Variants in ATG16L1 observed in about 807,000 individuals in gnomAD.
ATG16L1 encodes the protein autophagy-related protein 16-1.
ATG16L1 carries 37 observed loss-of-function variants against 88.5 expected under a neutral mutation model. The ratio of observed to expected loss-of-function variants is 0.42; its 90% confidence interval spans 0.32 to 0.55. ATG16L1 has a LOEUF of 0.55. Ranked by LOEUF, ATG16L1 falls within the 20% of genes least tolerant of loss-of-function variation. The pLI, the probability that ATG16L1 is intolerant of heterozygous loss-of-function variation, is 0.13. For missense variants in ATG16L1, 554 were observed against 752.8 expected (o/e 0.74, Z 3.09); for synonymous variants, 301 against 281.0 (o/e 1.07, Z -0.71).
At chr2:233,277,364 A>C (rs1698443431) in intron 9 of ATG16L1, 2 of 494,276 alleles carry the variant, frequency 4.0e-6, no homozygotes, top group South Asian at 4.5e-5. Flanking sequence ...GTTGCACTGC[A>C]CTCTAATGCA....
chr2:233,277,582 G>A lies in ATG16L1; in HGVS notation c.969G>A (p.Gly323=). The A allele has an allele frequency of 6.2e-7, 1 of 1,614,010 alleles. No individual in the cohort carries two copies. The highest frequency in any genetic ancestry group is 8.5e-7 in the Non-Finnish European group (1 of 1,179,908). The part of the protein sequence containing the change: ...TALCVFDAHD[G]EVNAVQFSPG... ...TTGTCTTGCAGGATGCACATGATGG[G>A]GAAGTCAACGCTGTGCAGTTCAGTC... The change falls in exon 10 of 18, where the codon GGG becomes GGA. Residue 323 remains glycine, a synonymous_variant. Coordinates refer to ENST00000392017, the MANE Select transcript of ATG16L1 (RefSeq NM_030803.7).
chr2:233,265,210 A>G, intron 5 of ATG16L1, 67 bp downstream of exon 5: 5 of 1,565,986 alleles, frequency 3.2e-6, no homozygotes, highest in Admixed American at 3.9e-5. Context: ...CTTTGAAAAG[A>G]AAGAGATAAA....
rs747770249 is a variant in ATG16L1 at position 233,267,359 on chromosome 2, C to T, written c.641+2216C>T. Among the ~76,000 whole-genome samples, 22 of 152,102 alleles carry T rather than the reference C, an allele frequency of 1.4e-4. No individual in the cohort carries two copies. The Middle Eastern group carries it at 0.01, about 71-fold the overall frequency. The stretch of plus-strand genomic sequence containing the variant: ...GCAAGACTCTGCCTCAAAAGCAAAA[C>T]GAAAAGAATACTTAGTGCTGTGGAA... On this transcript the variant is annotated intron_variant, in intron 5 of 17. Coordinates refer to ENST00000392017, the MANE Select transcript of ATG16L1 (RefSeq NM_030803.7).
At chr2:233,252,138 C>T (rs904318928) in intron 1 of ATG16L1, among the ~76,000 whole-genome samples, 196 bp downstream of exon 1, 1 of 152,188 alleles carries the variant, frequency 6.6e-6, no homozygotes, top group South Asian at 2.1e-4. Flanking sequence ...GAGGATTTTC[C>T]CTATTAAATT....
intron 1 of ATG16L1, 42 bp from the exon 2 acceptor site, chr2:233,256,060 T>C (rs1002852199): frequency 3.3e-6 from 5 of 1,525,590 alleles, no homozygotes; most frequent in Non-Finnish European, 4.5e-6. Flanking sequence ...TGTACATACG[T>C]TGTAATAAAT....
intron 4 of ATG16L1, 76 bp downstream of exon 4, chr2:233,264,141 AG>A: frequency 1.3e-6 from 2 of 1,492,282 alleles, no homozygotes; most frequent in Non-Finnish European, 1.9e-6. Context: ...TCTTGTGAGC[AG>A]GGCCAGTGGC....
intron 3 of ATG16L1, 24 bp from the exon 4 acceptor site, chr2:233,263,968 A>G (rs1434406032): frequency 6.2e-7 from 1 of 1,611,538 alleles, no homozygotes; most frequent in Non-Finnish European, 8.5e-7. Flanking sequence ...TTTATTTATG[A>G]AAGTATTCTT....
intron 6 of ATG16L1, among the ~76,000 whole-genome samples, 175 bp downstream of exon 6, chr2:233,270,242 A>T (rs1202697654): frequency 1.3e-5 from 2 of 151,974 alleles, no homozygotes; most frequent in Non-Finnish European, 2.9e-5. Flanking sequence ...CTGTAAAATC[A>T]TCTTACAGAT....
At chr2:233,260,206 T>A (rs1697111145) in intron 2 of ATG16L1, among the ~76,000 whole-genome samples, 1 of 152,248 alleles carries the variant, frequency 6.6e-6, no homozygotes, top group African/African-American at 2.4e-5. Context: ...TTCTCTTAAG[T>A]ATTTTCATCA....
In ATG16L1 at chr2:233,270,062, C is replaced by A; in HGVS notation, c.702C>A (p.Val234=). The change falls in exon 6 of 18, where the codon GTC becomes GTA. Residue 234 remains valine, a synonymous_variant. Coordinates refer to ENST00000392017, the MANE Select transcript of ATG16L1 (RefSeq NM_030803.7). ...AAGCAGCAAAGGAACCTCTACCAGT[C>A]GAACAGTAAGTAAAGATAAATGAAT... ...LAEAAKEPLP[V]EQDDDIEVIV... 6.3e-7 allele frequency: 1 copy of A among 1,583,130 alleles called. No individual in the cohort carries two copies. Among genetic ancestry groups the A allele is most frequent in the Non-Finnish European group, 8.6e-7 (1 of 1,168,642 alleles).
rs762578647 is a variant in ATG16L1, at chr2:233,277,617, G to A, written c.1004G>A (p.Arg335Gln). Residue 335 changes from arginine to glutamine, a missense_variant, in exon 10 of 18, where the codon CGG (arginine) becomes CAG (glutamine). By Grantham distance (43) the Arg-to-Gln change is conservative (BLOSUM62 1). Around this residue, in one of 5 missense-constraint regions of ATG16L1, gnomAD observed 370 missense variants for 509.7 expected, o/e 0.73. Coordinates refer to ENST00000392017, the MANE Select transcript of ATG16L1 (RefSeq NM_030803.7). ...GCTGTGCAGTTCAGTCCAGGTTCCC[G>A]GTTACTGGCCACTGGAGGCATGGAC... Reference protein sequence around the residue: ...VNAVQFSPGSRLLATGGMDRR... With the variant: ...VNAVQFSPGSQLLATGGMDRR... The A allele has an allele frequency of 1.2e-5, 20 of 1,613,938 alleles. No individual in the cohort carries two copies. In the Admixed American group the frequency reaches 2.7e-4, roughly 22 times the overall value.
chr2:233,252,956 A>G (rs1696486760), intron 1 of ATG16L1, among the ~76,000 whole-genome samples: 1 of 152,198 alleles, frequency 6.6e-6, no homozygotes, highest in Non-Finnish European at 1.5e-5. Flanking sequence ...ATTGTGCAAA[A>G]TCAGTAGTTC....
At chr2:233,254,311 A>G (rs988260123) in intron 1 of ATG16L1, among the ~76,000 whole-genome samples, 6 of 152,242 alleles carry the variant, frequency 3.9e-5, no homozygotes, top group African/African-American at 1.4e-4. Context: ...AAGAGGCAGG[A>G]GAGTGAGACA....
intron 2 of ATG16L1, among the ~76,000 whole-genome samples, chr2:233,262,079 G>A (rs1219825340): frequency 6.6e-6 from 1 of 152,172 alleles, no homozygotes; most frequent in East Asian, 1.9e-4. Context: ...CCACAGTCTT[G>A]CCCATTTCAG....
At chr2:233,282,084 G>T (rs1389976482) in intron 11 of ATG16L1, among the ~76,000 whole-genome samples, 1 of 152,208 alleles carries the variant, frequency 6.6e-6, no homozygotes, top group Admixed American at 6.5e-5. Flanking sequence ...GTATTGAAAG[G>T]TTTAGACTTT....
intron 16 of ATG16L1, 131 bp from the exon 17 acceptor site, chr2:233,293,125 A>C: frequency 1.3e-6 from 1 of 787,402 alleles, no homozygotes; most frequent in South Asian, 1.6e-5. Context: ...ACTAGCACAC[A>C]TTCTGAGGTC....
intron 8 of ATG16L1, chr2:233,274,241 T>G (rs1161311678): frequency 1.2e-5 from 7 of 568,732 alleles, no homozygotes; most frequent in Admixed American, 3.2e-5. Flanking sequence ...CTTGTTGCTT[T>G]CTTTTGGCAT....
intron 1 of ATG16L1, 28 bp from the exon 2 acceptor site, chr2:233,256,074 T>A: frequency 6.3e-7 from 1 of 1,579,890 alleles, no homozygotes; most frequent in Non-Finnish European, 8.7e-7. Flanking sequence ...AATAAATAAC[T>A]TAGTTTCTGA....
At chr2:233,264,851 T>A in intron 4 of ATG16L1, 41 bp from the exon 5 acceptor site, 3 of 1,609,868 alleles carry the variant, frequency 1.9e-6, no homozygotes, top group Non-Finnish European at 2.5e-6. Context: ...GGCACAGGGC[T>A]CTGGCGAGGT....
Sources: allele counts gnomAD v4.1 joint callset (sites outside exome capture counted in the v4.1 genomes callset), GRCh38; gene constraint gnomAD v4.1.1; regional missense constraint gnomAD v4.1.1; transcripts MANE v1.5; gene names NCBI Gene and HGNC (gene_info 2026-07-23, HGNC 2026-07-21).